ZNF268: variants seen among roughly 807,000 people sequenced by gnomAD.
The protein encoded by ZNF268 is zinc finger protein 268.
Under a neutral mutation model 29.3 loss-of-function variants are expected in ZNF268, and 20 were observed. The ratio of observed to expected loss-of-function variants is 0.68; its 90% CI spans 0.48 to 0.99. The LOEUF (loss-of-function observed/expected upper bound fraction) is 0.99, where lower values mean the gene tolerates loss of function less well. Ranked by LOEUF, ZNF268 falls within the 50% of genes least tolerant of loss-of-function variation. ZNF268 has a pLI of 0.00. For missense variants in ZNF268, 1,240 were observed against 1,121.6 expected (o/e 1.11, Z -1.51); for synonymous variants, 429 against 376.9 (o/e 1.14, Z -1.60).
Position 133,203,902 on chromosome 12 carries a change from T to C in ZNF268, c.2216T>C (p.Leu739Pro). The C allele has an allele frequency of 6.3e-7, 1 of 1,582,270 alleles. No individual in the cohort carries two copies. The highest frequency in any genetic ancestry group is 8.6e-7 in the Non-Finnish European group (1 of 1,166,946). Residue 739 changes from leucine (L) to proline (P), a missense_variant, in exon 6 of 6, where the codon CTC becomes CCC. Transcript: ENST00000536435. The stretch of plus-strand genomic sequence containing the variant: ...AAATCCTTTAGTTTCAATTCACAAC[T>C]CATTGTGCATCAGAGAATTCACACA... ...CGKSFSFNSQ[L>P]IVHQRIHTGE...
rs1231854163 is a variant in ZNF268 at position 133,207,897 on chromosome 12, A to T, written c.*3367A>T. On this transcript the variant is annotated 3_prime_UTR_variant, in exon 6 of 6. Transcript: ENST00000536435. ...AAACTCATAAGGATTATCTCAGTATATGCTGATAAATCACTTGATGGAATT... is the reference window on the plus strand; with the variant it reads ...AAACTCATAAGGATTATCTCAGTATTTGCTGATAAATCACTTGATGGAATT... 1 of 152,228 alleles carries T rather than the reference A, an allele frequency of 6.6e-6. No individual in the cohort carries two copies. The highest frequency in any genetic ancestry group is 1.9e-4 in the East Asian group (1 of 5,202). 9.4% of individuals were successfully genotyped at this position (152,228 alleles called of 1,614,324 possible).
intron 5 of ZNF268, among the ~76,000 whole-genome samples, chr12:133,193,093 T>C (rs1475542615): frequency 6.6e-6 from 1 of 152,222 alleles, no homozygotes; most frequent in Non-Finnish European, 1.5e-5. Flanking sequence ...TTTCCCTTCA[T>C]GTTCCACTGG....
At chr12:133,193,701 A>G (rs562766761) in intron 5 of ZNF268, among the ~76,000 whole-genome samples, 2 of 152,306 alleles carry the variant, frequency 1.3e-5, no homozygotes, top group East Asian at 1.9e-4. Flanking sequence ...GACACATTCA[A>G]ACCTTAATAA....
chr12:133,185,763 G>C (rs1027116836), intron 2 of ZNF268, among the ~76,000 whole-genome samples: 2 of 152,176 alleles, frequency 1.3e-5, no homozygotes, highest in African/African-American at 4.8e-5. Flanking sequence ...AGACTGACTA[G>C]GTGACCACGT....
In ZNF268 at chr12:133,186,989, A is replaced by G. The variant is rs187603571; in HGVS notation, c.34-883A>G. 2.0e-5 allele frequency among the ~76,000 whole-genome samples: 3 copies of G among 152,296 alleles called. No homozygotes were observed. In the East Asian group the frequency reaches 5.8e-4, roughly 29 times the overall value. Reference sequence around the variant, plus strand: ...ATATATTGATCATTGTATTATACCAATAGTGGTACATAGAGGTTGTTCGCT... The same window carrying G: ...ATATATTGATCATTGTATTATACCAGTAGTGGTACATAGAGGTTGTTCGCT... On this transcript the variant is annotated intron_variant, in intron 2 of 5. Coordinates refer to ENST00000536435, the MANE Select transcript of ZNF268 (RefSeq NM_003415.3).
chr12:133,198,663 A>G (rs1165784216), intron 5 of ZNF268, among the ~76,000 whole-genome samples: 3 of 151,970 alleles, frequency 2.0e-5, no homozygotes, highest in African/African-American at 7.2e-5. Context: ...CTTCCTACCC[A>G]TGAGCATGGA....
Position 133,211,163 on chromosome 12 carries a change from T to A in ZNF268, c.*6633T>A. On this transcript the variant is annotated 3_prime_UTR_variant, in exon 6 of 6. Coordinates refer to ENST00000536435, the MANE Select transcript of ZNF268 (RefSeq NM_003415.3). ...AGCAATAATTGGAATTTGTAATGAA[T>A]AAAATCATTCAAAAAAATCTGAAAA... is the stretch of plus-strand genomic sequence containing the variant. The A allele has an allele frequency of 2.8e-6, 1 of 353,658 alleles. No homozygotes were observed. The highest frequency in any genetic ancestry group is 5.6e-6 in the Non-Finnish European group (1 of 177,670). 21.9% of individuals were successfully genotyped at this position (353,658 alleles called of 1,614,324 possible).
At position 133,191,595 on chromosome 12, in the gene ZNF268, A is replaced by G. The variant is rs1222891152; in HGVS notation, c.341A>G (p.Tyr114Cys). 1.9e-6 allele frequency: 3 copies of G among 1,614,024 alleles called. No homozygotes were observed. Among genetic ancestry groups the G allele is most frequent in the South Asian group, 2.2e-5 (2 of 91,090 alleles). ...CLYRSVMLEN[Y>C]SNLVSLGYQH... is the part of the protein sequence containing the mutation. ...TACAGGAGTGTGATGTTGGAGAACTATAGCAACCTGGTGTCCCTAGGTAAG... is the reference window on the plus strand; with the variant it reads ...TACAGGAGTGTGATGTTGGAGAACTGTAGCAACCTGGTGTCCCTAGGTAAG... The change falls in exon 4 of 6, where the codon TAT becomes TGT. Residue 114 changes from tyrosine to cysteine, a missense_variant. By Grantham distance (194) the Tyr-to-Cys change is radical. Transcript: ENST00000536435.
chr12:133,199,996 T>G (rs1956711700), intron 5 of ZNF268, among the ~76,000 whole-genome samples: 1 of 152,260 alleles, frequency 6.6e-6, no homozygotes, highest in Middle Eastern at 3.4e-3. Context: ...ATTCATTAAT[T>G]TTTTTGAAGG....
At position 133,206,787 on chromosome 12, in the gene ZNF268, G is replaced by A. The variant is rs1956905908; in HGVS notation, c.*2257G>A. ...GTGAAGAATGATGATTCACAGAAGG[G>A]AAGGGACATCTTACATAAACAAATA... On this transcript the variant is annotated 3_prime_UTR_variant, in exon 6 of 6. Coordinates refer to ENST00000536435, the MANE Select transcript of ZNF268 (RefSeq NM_003415.3). The A allele has an allele frequency of 1.3e-5, 2 of 152,162 alleles. 1 individual carries two copies. The highest frequency in any genetic ancestry group is 4.1e-4 in the South Asian group (2 of 4,824). 9.4% of individuals were successfully genotyped at this position (152,162 alleles called of 1,614,324 possible).
In ZNF268 at chr12:133,207,518, G is replaced by T. The variant is rs1357585347; in HGVS notation, c.*2988G>T. The T allele has an allele frequency of 6.6e-6, 1 of 152,182 alleles. No homozygotes were observed. Among genetic ancestry groups the T allele is most frequent in the African/African-American group, 2.4e-5 (1 of 41,450 alleles). 9.4% of individuals were successfully genotyped at this position (152,182 alleles called of 1,614,324 possible). On this transcript the variant is annotated 3_prime_UTR_variant, in exon 6 of 6. Transcript: ENST00000536435. ...ATGGCAGTATGCCCACTTAAAAAGA[G>T]ATATATGGGGCCAGGCACGGTGGCT...
At position 133,211,396 on chromosome 12, in the gene ZNF268, A is replaced by G. The variant is rs1240347354; in HGVS notation, c.*6866A>G. 1 of 251,676 alleles carries G rather than the reference A, an allele frequency of 4.0e-6. No individual in the cohort carries two copies. The highest frequency in any genetic ancestry group is 5.1e-5 in the Admixed American group (1 of 19,530). The allele number at this position is 251,676 out of a possible 1,614,324, so 15.6% of individuals were successfully genotyped here. On this transcript the variant is annotated 3_prime_UTR_variant, in exon 6 of 6. Transcript: ENST00000536435. ...CCGGAGTTCGAGACCAGCCTGACCAACATGGAGAAACCCTGTCTCTACTAA... is the reference window on the plus strand; with the variant it reads ...CCGGAGTTCGAGACCAGCCTGACCAGCATGGAGAAACCCTGTCTCTACTAA...
In ZNF268 at chr12:133,202,137, T is replaced by C; in HGVS notation, c.458-7T>C. Reference sequence around the variant, plus strand: ...TATAACATGTGACCAATTGTTCTCATTTCTAGACACAGTCTGGAAAATTGA... The same window carrying C: ...TATAACATGTGACCAATTGTTCTCACTTCTAGACACAGTCTGGAAAATTGA... On this transcript the variant is annotated splice_polypyrimidine_tract_variant and splice_region_variant and intron_variant, in intron 5 of 5. Transcript: ENST00000536435. 1 of 1,564,978 alleles carries C rather than the reference T, an allele frequency of 6.4e-7. No individual in the cohort carries two copies. The highest frequency in any genetic ancestry group is 1.2e-5 in the South Asian group (1 of 83,312).
chr12:133,188,446 C>T (rs1017383149), intron 3 of ZNF268, among the ~76,000 whole-genome samples: 1 of 152,186 alleles, frequency 6.6e-6, no homozygotes, highest in Non-Finnish European at 1.5e-5. Flanking sequence ...GTCCTCCTGC[C>T]TCAGCCTCCT....
At chr12:133,192,106 A>AATT in intron 5 of ZNF268, 103 bp downstream of exon 5, 2 of 768,962 alleles carry the variant, frequency 2.6e-6, no homozygotes, top group Non-Finnish European at 1.9e-6. Context: ...ATTACCATGC[A>AATT]CTTTTTTTTT....
In ZNF268 at chr12:133,204,361, A is replaced by G. The variant is rs867443370; in HGVS notation, c.2675A>G (p.Tyr892Cys). The change falls in exon 6 of 6, where the codon TAT becomes TGT. Residue 892 changes from tyrosine to cysteine, a missense_variant. Tyr to Cys is a radical substitution (Grantham distance 194, BLOSUM62 -2). Around this residue, in one of 3 missense-constraint regions of ZNF268, gnomAD observed 1,177 missense variants for 1,039.6 expected, o/e 1.13. Coordinates refer to ENST00000536435, the MANE Select transcript of ZNF268 (RefSeq NM_003415.3). The part of the protein sequence containing the change: ...HQRTHSGEKP[Y>C]GCNECGKTFS... ...AGAACTCATTCAGGAGAGAAACCCTATGGGTGCAATGAATGTGGGAAAACC... is the reference window on the plus strand; with the variant it reads ...AGAACTCATTCAGGAGAGAAACCCTGTGGGTGCAATGAATGTGGGAAAACC... The G allele has an allele frequency of 6.4e-7, 1 of 1,570,594 alleles. No individual in the cohort carries two copies. Among genetic ancestry groups the G allele is most frequent in the Non-Finnish European group, 8.6e-7 (1 of 1,162,048 alleles).
rs191159006 is a variant in ZNF268, at chr12:133,202,480, T to A, written c.794T>A (p.Met265Lys). The A allele has an allele frequency of 4.3e-6, 7 of 1,612,346 alleles. No individual in the cohort carries two copies. The Admixed American group carries it at 6.7e-5, about 15-fold the overall frequency. Residue 265 changes from methionine (M) to lysine (K), a missense_variant, in exon 6 of 6, where the codon ATG becomes AAG. Met to Lys is a moderately conservative substitution (Grantham distance 95). Around this residue, in one of 3 missense-constraint regions of ZNF268, gnomAD observed 1,177 missense variants for 1,039.6 expected, o/e 1.13. Coordinates refer to ENST00000536435, the MANE Select transcript of ZNF268 (RefSeq NM_003415.3). The part of the protein sequence containing the change: ...GKTVNKKSQL[M>K]CQQMYMGEKP... ...ACCGTCAATAAGAAATCGCAACTTA[T>A]GTGCCAACAAATGTATATGGGCGAA...
At chr12:133,186,037 G>A (rs144704689) in intron 2 of ZNF268, among the ~76,000 whole-genome samples, 246 of 152,200 alleles carry the variant, frequency 1.6e-3, no homozygotes, top group African/African-American at 5.5e-3. Flanking sequence ...CATTTATTAG[G>A]TATTATCACC....
chr12:133,192,882 A>C (rs937772996), intron 5 of ZNF268, among the ~76,000 whole-genome samples: 1 of 152,106 alleles, frequency 6.6e-6, no homozygotes, highest in African/African-American at 2.4e-5. Flanking sequence ...GATGGTCTCG[A>C]TCTCCTGACT....
Sources: allele counts gnomAD v4.1 joint callset (sites outside exome capture counted in the v4.1 genomes callset), GRCh38; gene constraint gnomAD v4.1.1; regional missense constraint gnomAD v4.1.1; transcripts MANE v1.5; gene names NCBI Gene and HGNC (gene_info 2026-07-23, HGNC 2026-07-21).